CAPZA1: variants seen among roughly 807,000 people sequenced by gnomAD.
CAPZA1 encodes capping actin protein of muscle Z-line subunit alpha 1.
CAPZA1 carries 10 observed loss-of-function variants against 40.8 expected under a neutral mutation model. That is an observed-to-expected ratio of 0.25 (90% CI 0.15 to 0.42). The LOEUF is 0.42. CAPZA1 is among the 10% of genes least tolerant of loss of function. The pLI is 1.00. For synonymous variants in CAPZA1, 98 were observed against 115.0 expected (o/e 0.85, Z 0.95); for missense variants, 277 against 353.8 (o/e 0.78, Z 1.74).
chr1:112,634,638 T>C (rs1315761357), intron 1 of CAPZA1: 1 of 152,332 alleles, frequency 6.6e-6, no homozygotes, highest in African/African-American at 2.4e-5. Flanking sequence ...TCTCCTGTTA[T>C]ATTTTAAGTA....
intron 7 of CAPZA1, among the ~76,000 whole-genome samples, chr1:112,664,250 G>A (rs10857970): frequency 6.0e-5 from 8 of 134,194 alleles, no homozygotes; most frequent in African/African-American, 2.3e-4. Context: ...AAAAAAAAAA[G>A]ATACTTATTT....
intron 1 of CAPZA1, 52 bp downstream of exon 1, chr1:112,619,935 C>A (rs987500795): frequency 5.4e-6 from 8 of 1,478,704 alleles, no homozygotes; most frequent in Non-Finnish European, 7.5e-6. Flanking sequence ...GGAACTGGGG[C>A]CCGGCCCGGC....
Position 112,654,516 on chromosome 1 carries a change from A to G in CAPZA1, c.271A>G (p.Arg91Gly), listed in dbSNP as rs1671459896. The change falls in exon 5 of 10, where the codon AGA (arginine) becomes GGA (glycine). Residue 91 changes from arginine (R) to glycine (G), a missense_variant. Coordinates refer to ENST00000263168, the MANE Select transcript of CAPZA1 (RefSeq NM_006135.3). ...GGGTAATAGCAGATTTTTAGATCCA[A>G]GAAACAAAATTTCCTTTAAATTTGA... ...DLGNSRFLDP[R>G]NKISFKFDHL... 7.4e-6 allele frequency: 12 copies of G among 1,614,082 alleles called. No homozygotes were observed. The highest frequency in any genetic ancestry group is 1.0e-5 in the Non-Finnish European group (12 of 1,179,964).
At chr1:112,624,027 A>AG (rs1570697708) in intron 1 of CAPZA1, among the ~76,000 whole-genome samples, 1 of 150,350 alleles carries the variant, frequency 6.7e-6, no homozygotes, top group East Asian at 1.9e-4. Context: ...AAAAGAAAAA[A>AG]GAAAAGAAAA....
Position 112,654,575 on chromosome 1 carries a change from A to G in CAPZA1, c.330A>G (p.Pro110=), listed in dbSNP as rs1671460967. The G allele has an allele frequency of 6.2e-7, 1 of 1,614,018 alleles. No individual in the cohort carries two copies. Among genetic ancestry groups the G allele is most frequent in the Admixed American group, 1.7e-5 (1 of 60,022 alleles). ...HLRKEASDPQ[P]EEADGGLKSW... is the part of the protein sequence containing the mutation. ...GGAAAGAAGCAAGTGACCCCCAGCC[A>G]GAAGAAGCAGATGGAGGTCTGAAGT... The change falls in exon 5 of 10, where the codon CCA becomes CCG. Residue 110 remains proline (P), a synonymous_variant. Coordinates refer to ENST00000263168, the MANE Select transcript of CAPZA1 (RefSeq NM_006135.3).
chr1:112,641,451 A>G (rs1557730670), intron 1 of CAPZA1, among the ~76,000 whole-genome samples: 2 of 152,326 alleles, frequency 1.3e-5, no homozygotes, highest in South Asian at 4.1e-4. Flanking sequence ...TTCATTCAAC[A>G]GCACATTATA....
chr1:112,637,919 G>A (rs943400527), intron 1 of CAPZA1, among the ~76,000 whole-genome samples: 3 of 152,170 alleles, frequency 2.0e-5, no homozygotes, highest in African/African-American at 4.8e-5. Flanking sequence ...GGACAGAAAC[G>A]CTGTGACTCC....
chr1:112,630,471 G>A (rs1373835109), intron 1 of CAPZA1, among the ~76,000 whole-genome samples: 2 of 152,010 alleles, frequency 1.3e-5, no homozygotes, highest in African/African-American at 4.8e-5. Context: ...AGCCTCCCGA[G>A]TAGCTGGGAT....
chr1:112,641,031 A>G (rs561244667), intron 1 of CAPZA1, among the ~76,000 whole-genome samples: 10 of 152,076 alleles, frequency 6.6e-5, no homozygotes, highest in South Asian at 2.1e-4. Context: ...CAGCATGCTC[A>G]TTAAGAGTCA....
chr1:112,662,395 C>CTTTTTTT (rs35100851), intron 7 of CAPZA1, among the ~76,000 whole-genome samples: 31 of 97,250 alleles, frequency 3.2e-4, no homozygotes, highest in East Asian at 6.0e-4. Context: ...TAGAATTTTT[C>CTTTTTTT]TTTTTTTTTT....
At chr1:112,636,636 C>T (rs1172710471) in intron 1 of CAPZA1, among the ~76,000 whole-genome samples, 1 of 151,194 alleles carries the variant, frequency 6.6e-6, no homozygotes, top group Non-Finnish European at 1.5e-5. Context: ...TTTTTTTAAG[C>T]AGCAGTTCAG....
intron 9 of CAPZA1, 147 bp downstream of exon 9, chr1:112,669,752 T>C: frequency 1.3e-6 from 1 of 778,210 alleles, no homozygotes; most frequent in Non-Finnish European, 2.1e-6. Flanking sequence ...CCTTCCAAGT[T>C]GGCATTCTGC....
intron 7 of CAPZA1, 62 bp downstream of exon 7, chr1:112,659,841 T>A: frequency 2.3e-6 from 3 of 1,329,136 alleles, no homozygotes; most frequent in Middle Eastern, 1.8e-4. Flanking sequence ...TGCAGGTTGC[T>A]TTGGTATTAA....
At chr1:112,657,305 T>A (rs1334401431) in intron 5 of CAPZA1, among the ~76,000 whole-genome samples, 1 of 152,102 alleles carries the variant, frequency 6.6e-6, no homozygotes, top group Non-Finnish European at 1.5e-5. Flanking sequence ...TTGCCCTTTC[T>A]CCCTCTTCTC....
At chr1:112,637,924 G>A (rs1671053576) in intron 1 of CAPZA1, among the ~76,000 whole-genome samples, 1 of 152,208 alleles carries the variant, frequency 6.6e-6, no homozygotes, top group Admixed American at 6.5e-5. Flanking sequence ...GAAACGCTGT[G>A]ACTCCCAAAG....
intron 1 of CAPZA1, among the ~76,000 whole-genome samples, chr1:112,635,069 CA>C (rs918574292): frequency 9.2e-5 from 14 of 152,176 alleles, no homozygotes; most frequent in African/African-American, 3.4e-4. Context: ...GTTTCCCTCC[CA>C]AAAAAACTTG....
At chr1:112,620,417 C>G (rs534610352) in intron 1 of CAPZA1, 2 of 152,994 alleles carry the variant, frequency 1.3e-5, no homozygotes, top group Non-Finnish European at 2.9e-5. Context: ...TGTTGTCCAT[C>G]TCCCTACACA....
chr1:112,642,610 G>A (rs999413295), intron 1 of CAPZA1, among the ~76,000 whole-genome samples: 3 of 152,112 alleles, frequency 2.0e-5, no homozygotes, highest in African/African-American at 7.2e-5. Context: ...TTACTATCTA[G>A]GCATCAGGTC....
At chr1:112,669,287 A>G (rs1461987248) in intron 8 of CAPZA1, among the ~76,000 whole-genome samples, 1 of 152,198 alleles carries the variant, frequency 6.6e-6, no homozygotes, top group Admixed American at 6.5e-5. Flanking sequence ...CATCTTTATC[A>G]TTCAAAAGCT....
Sources: allele counts gnomAD v4.1 joint callset (sites outside exome capture counted in the v4.1 genomes callset), GRCh38; gene constraint gnomAD v4.1.1; transcripts MANE v1.5; gene names NCBI Gene and HGNC (gene_info 2026-07-23, HGNC 2026-07-21).